The following COX5A variants were observed in gnomAD, a reference collection of about 807,000 sequenced individuals.
The protein encoded by COX5A is cytochrome c oxidase subunit 5A, mitochondrial.
Under a neutral mutation model 16.1 loss-of-function variants are expected in COX5A, and 6 were observed. The observed-to-expected ratio is 0.37, with a 90% CI of 0.20 to 0.73. The LOEUF (loss-of-function observed/expected upper bound fraction) is 0.73. Ranked by LOEUF, COX5A falls within the 30% of genes least tolerant of loss-of-function variation. The probability of loss-of-function intolerance (pLI) is 0.50; values close to 1 mark genes in which losing one functional copy is unlikely to be tolerated. For missense variants in COX5A, 159 were observed against 194.9 expected, an observed-to-expected ratio of 0.82 and a Z score of 1.10; for synonymous variants, 73 against 73.8, an observed-to-expected ratio of 0.99 and a Z score of 0.06.
chr15:74,920,190 C>G lies in COX5A; in HGVS notation c.*262G>C, dbSNP rs1216051646. 2 of 538,754 alleles carry G rather than the reference C, an allele frequency of 3.7e-6. No homozygotes were observed. The highest frequency in any genetic ancestry group is 3.2e-6 in the Non-Finnish European group (1 of 313,278). 33.4% of individuals were successfully genotyped at this position (538,754 alleles called of 1,614,324 possible). On this transcript the variant is annotated 3_prime_UTR_variant, in exon 5 of 5. Coordinates refer to ENST00000322347, the MANE Select transcript of COX5A (RefSeq NM_004255.4). Reference sequence around the variant, plus strand: ...CAGAGAATTAACACAGTTCTCTCAGCATGTAAGAGGGCAGCAAAACCATGA... The same window carrying G: ...CAGAGAATTAACACAGTTCTCTCAGGATGTAAGAGGGCAGCAAAACCATGA...
intron 1 of COX5A, among the ~76,000 whole-genome samples, chr15:74,932,689 G>A (rs916341191): frequency 6.6e-6 from 1 of 150,974 alleles, no homozygotes; most frequent in Non-Finnish European, 1.5e-5. Flanking sequence ...AAGTGAACAC[G>A]TTTTAATTTC....
chr15:74,933,095 C>G (rs2065374022), intron 1 of COX5A, among the ~76,000 whole-genome samples: 1 of 151,846 alleles, frequency 6.6e-6, no homozygotes, highest in Non-Finnish European at 1.5e-5. Flanking sequence ...ATAAGTCTTA[C>G]AAGACTAATA....
intron 4 of COX5A, 109 bp downstream of exon 4, chr15:74,923,539 A>G: frequency 3.6e-6 from 2 of 562,942 alleles, no homozygotes; most frequent in Non-Finnish European, 6.4e-6. Flanking sequence ...GCTCACGGCC[A>G]TTACCTCTAA....
intron 1 of COX5A, among the ~76,000 whole-genome samples, chr15:74,933,933 C>T (rs1229212604): frequency 6.6e-6 from 1 of 152,308 alleles, no homozygotes; most frequent in East Asian, 1.9e-4. Flanking sequence ...TCACCACCTT[C>T]AAGGATTTGA....
chr15:74,926,885 T>A lies in COX5A; in HGVS notation c.220A>T (p.Ile74Leu), dbSNP rs765056380. 1.9e-6 allele frequency: 3 copies of A among 1,608,574 alleles called. No individual in the cohort carries two copies. In the African/African-American group the frequency reaches 4.0e-5, roughly 22 times the overall value. The change falls in exon 3 of 5, where the codon ATA becomes TTA. Residue 74 changes from isoleucine to leucine, a missense_variant and splice_region_variant. Physicochemically the swap from Ile to Leu is conservative, Grantham distance 5. Transcript: ENST00000322347. ...ATATCATAGGTAACAAGTGTGTTTA[T>A]CCCTGCAAAATTAAAAAGAAGGGCC... is the stretch of plus-strand genomic sequence containing the variant. ...DIDAWELRKG[I>L]NTLVTYDMVP...
chr15:74,928,822 A>T (rs1420060033), intron 2 of COX5A, among the ~76,000 whole-genome samples: 1 of 152,212 alleles, frequency 6.6e-6, no homozygotes, highest in Non-Finnish European at 1.5e-5. Flanking sequence ...TTTGGTTGTC[A>T]TGATACGAAT....
intron 1 of COX5A, among the ~76,000 whole-genome samples, 160 bp from the exon 2 acceptor site, chr15:74,929,392 TTTAAA>T (rs1449756789): frequency 6.6e-6 from 1 of 152,202 alleles, no homozygotes; most frequent in Non-Finnish European, 1.5e-5. Flanking sequence ...AAAGATATAT[TTTAAA>T]TTAAGCAAAT....
intron 3 of COX5A, among the ~76,000 whole-genome samples, chr15:74,924,591 G>T (rs2141270664): frequency 6.6e-6 from 1 of 152,296 alleles, no homozygotes; most frequent in Non-Finnish European, 1.5e-5. Flanking sequence ...GTAGGCTTTT[G>T]AAATACCTTG....
chr15:74,937,439 A>T (rs1215246872), intron 1 of COX5A, among the ~76,000 whole-genome samples: 1 of 152,222 alleles, frequency 6.6e-6, no homozygotes, highest in East Asian at 1.9e-4. Context: ...GTGACACACT[A>T]ATCGCTAACC....
At chr15:74,935,604 A>T (rs954731223) in intron 1 of COX5A, among the ~76,000 whole-genome samples, 44 of 147,312 alleles carry the variant, frequency 3.0e-4, no homozygotes, top group Admixed American at 4.8e-4. Context: ...ATCACCAAAA[A>T]AAAAAAATAA....
chr15:74,928,541 C>A (rs899869977), intron 2 of COX5A, among the ~76,000 whole-genome samples: 1 of 152,082 alleles, frequency 6.6e-6, no homozygotes, highest in Non-Finnish European at 1.5e-5. Flanking sequence ...CCCGCCACCA[C>A]GTCCGGCTAA....
intron 1 of COX5A, among the ~76,000 whole-genome samples, chr15:74,936,307 A>G (rs1167092433): frequency 6.7e-6 from 1 of 149,564 alleles, no homozygotes; most frequent in Non-Finnish European, 1.5e-5. Flanking sequence ...AAAAACAAAC[A>G]AACAAACAAA....
intron 1 of COX5A, 138 bp downstream of exon 1, chr15:74,937,777 G>A (rs1254925128): frequency 8.1e-6 from 4 of 492,170 alleles, no homozygotes; most frequent in Non-Finnish European, 1.3e-5. Flanking sequence ...CGGCGGGCAG[G>A]GCGGCCCGCG....
chr15:74,924,264 T>C (rs2065333823), intron 3 of COX5A, among the ~76,000 whole-genome samples: 1 of 151,864 alleles, frequency 6.6e-6, no homozygotes, highest in African/African-American at 2.4e-5. Flanking sequence ...ACTTGCTGGG[T>C]GCCGTGGCTC....
chr15:74,937,807 A>G (rs888700007), intron 1 of COX5A, 108 bp downstream of exon 1: 1 of 653,808 alleles, frequency 1.5e-6, no homozygotes, highest in Non-Finnish European at 2.2e-6. Flanking sequence ...TTCAGTAACC[A>G]GGGTAGGGCA....
intron 2 of COX5A, among the ~76,000 whole-genome samples, chr15:74,927,607 T>C (rs2065349867): frequency 6.6e-6 from 1 of 152,048 alleles, no homozygotes; most frequent in Admixed American, 6.6e-5. Flanking sequence ...ACCCTGTCTC[T>C]ATTAAAGATA....
intron 4 of COX5A, among the ~76,000 whole-genome samples, chr15:74,921,998 G>C (rs2065323313): frequency 6.6e-6 from 1 of 151,928 alleles, no homozygotes; most frequent in Non-Finnish European, 1.5e-5. Context: ...GAACAGCCTG[G>C]GCAACATAGT....
intron 1 of COX5A, among the ~76,000 whole-genome samples, chr15:74,936,314 CA>C (rs146692196): frequency 1.7e-4 from 25 of 150,344 alleles, no homozygotes; most frequent in African/African-American, 2.5e-4. Flanking sequence ...AACAAACAAA[CA>C]AAAAAAAACA....
chr15:74,928,510 G>C (rs1297456508), intron 2 of COX5A, among the ~76,000 whole-genome samples: 1 of 151,722 alleles, frequency 6.6e-6, no homozygotes, highest in African/African-American at 2.4e-5. Context: ...TCAGCCTCCC[G>C]AGTAGCTGTG....
Sources: allele counts gnomAD v4.1 joint callset (sites outside exome capture counted in the v4.1 genomes callset), GRCh38; gene constraint gnomAD v4.1.1; transcripts MANE v1.5; gene names NCBI Gene and HGNC (gene_info 2026-07-23, HGNC 2026-07-21).